SMC5: variants seen among roughly 807,000 people sequenced by gnomAD.
SMC5 encodes structural maintenance of chromosomes 5.
SMC5 carries 88 observed loss-of-function variants against 148.3 expected under a neutral mutation model. That is an observed-to-expected ratio of 0.59 (90% confidence interval 0.50 to 0.71). The LOEUF (loss-of-function observed/expected upper bound fraction) is 0.71. Ranked by LOEUF, SMC5 falls within the 30% of genes least tolerant of loss-of-function variation. The probability of loss-of-function intolerance (pLI) is 0.00; values close to 1 mark genes in which losing one functional copy is unlikely to be tolerated. For synonymous variants in SMC5, 421 were observed against 432.8 expected (o/e 0.97, Z 0.34); for missense variants, 1,142 against 1,298.9 (o/e 0.88, Z 1.86).
At chr9:70,333,743 G>GA (rs2036285176) in intron 17 of SMC5, among the ~76,000 whole-genome samples, 1 of 151,626 alleles carries the variant, frequency 6.6e-6, no homozygotes, top group African/African-American at 2.4e-5. Flanking sequence ...AAAAAGAAAG[G>GA]AAAAAAATAC....
chr9:70,270,232 C>T (rs2118036504), intron 3 of SMC5, among the ~76,000 whole-genome samples: 1 of 152,100 alleles, frequency 6.6e-6, no homozygotes, highest in East Asian at 1.9e-4. Context: ...TTAGGTTTAC[C>T]CATGTATTAT....
intron 8 of SMC5, among the ~76,000 whole-genome samples, chr9:70,292,080 T>C (rs995968281): frequency 6.6e-6 from 1 of 152,174 alleles, no homozygotes; most frequent in African/African-American, 2.4e-5. Flanking sequence ...AAGCATTTGG[T>C]TAAATTCCAG....
At chr9:70,308,120 G>T (rs1344690194) in intron 11 of SMC5, among the ~76,000 whole-genome samples, 3 of 152,000 alleles carry the variant, frequency 2.0e-5, no homozygotes, top group Admixed American at 2.0e-4. Flanking sequence ...TTTATCTAGA[G>T]ACCAGATAAT....
At chr9:70,312,119 TC>T (rs1186607566) in intron 11 of SMC5, 2 of 33,312 alleles carry the variant, frequency 6.0e-5, no homozygotes, top group African/African-American at 3.1e-4. Flanking sequence ...AGACACTGTC[TC>T]AAAAAAAAAA....
At position 70,267,162 on chromosome 9, in the gene SMC5, A is replaced by G. The variant is rs560900229; in HGVS notation, c.328-761A>G. Among the ~76,000 whole-genome samples, 5 of 152,222 alleles carry G rather than the reference A, an allele frequency of 3.3e-5. No individual in the cohort carries two copies. In the South Asian group the frequency reaches 8.3e-4, roughly 25 times the overall value. On this transcript the variant is annotated intron_variant, in intron 2 of 24. Coordinates refer to ENST00000361138, the MANE Select transcript of SMC5 (RefSeq NM_015110.4). ...TGTTTAGTGCTTAGCACAACAGTATATAGTAAATGCTTGATAAATGTTAGC... is the reference window on the plus strand; with the variant it reads ...TGTTTAGTGCTTAGCACAACAGTATGTAGTAAATGCTTGATAAATGTTAGC...
chr9:70,313,689 G>A (rs1030327449), intron 11 of SMC5, among the ~76,000 whole-genome samples: 6 of 152,046 alleles, frequency 3.9e-5, no homozygotes, highest in Admixed American at 2.0e-4. Context: ...TAGTAGAGAC[G>A]GGCTTTCACC....
At chr9:70,344,393 A>G in intron 18 of SMC5, 124 bp downstream of exon 18, 3 of 438,762 alleles carry the variant, frequency 6.8e-6, no homozygotes, top group Non-Finnish European at 1.1e-5. Flanking sequence ...GAGTTTTTCC[A>G]CATTTTTAAA....
At chr9:70,339,497 C>T (rs1408355313) in intron 17 of SMC5, among the ~76,000 whole-genome samples, 2 of 151,948 alleles carry the variant, frequency 1.3e-5, no homozygotes, top group Non-Finnish European at 2.9e-5. Flanking sequence ...TGATAGTTCA[C>T]TTTCTCTTTT....
chr9:70,281,612 G>A (rs1373078543), intron 6 of SMC5, among the ~76,000 whole-genome samples: 2 of 152,122 alleles, frequency 1.3e-5, no homozygotes, highest in African/African-American at 4.8e-5. Flanking sequence ...AGAAAGTTTT[G>A]TAGTGTTTGT....
intron 7 of SMC5, 56 bp downstream of exon 7, chr9:70,282,639 A>T (rs2034782099): frequency 3.4e-6 from 5 of 1,481,244 alleles, no homozygotes; most frequent in Non-Finnish European, 4.5e-6. Flanking sequence ...AAATATAAAA[A>T]ATATTTTGCA....
rs2036550019 is a variant in SMC5 at position 70,342,313 on chromosome 9, A to G, written c.2398-1831A>G. Among the ~76,000 whole-genome samples, 2 of 151,362 alleles carry G rather than the reference A, an allele frequency of 1.3e-5. 1 individual carries two copies. The highest frequency in any genetic ancestry group is 6.8e-3 in the Middle Eastern group (2 of 294). The stretch of plus-strand genomic sequence containing the variant: ...TAGATGACGAGTTAATGGGTGCAGC[A>G]CACCAGCATGGCACATGTATACATA... On this transcript the variant is annotated intron_variant, in intron 17 of 24. Coordinates refer to ENST00000361138, the MANE Select transcript of SMC5 (RefSeq NM_015110.4).
intron 17 of SMC5, among the ~76,000 whole-genome samples, chr9:70,324,499 A>C (rs575378300): frequency 6.6e-6 from 1 of 152,310 alleles, no homozygotes; most frequent in African/African-American, 2.4e-5. Context: ...TCCCAAAAAC[A>C]GAAGAGAAGC....
chr9:70,275,401 A>T (rs960549326), intron 3 of SMC5, among the ~76,000 whole-genome samples: 1 of 152,004 alleles, frequency 6.6e-6, no homozygotes, highest in Admixed American at 6.6e-5. Context: ...GGGTCTCACT[A>T]TGTTGCTCAG....
At position 70,350,289 on chromosome 9, in the gene SMC5, A is replaced by G. The variant is rs1423659940; in HGVS notation, c.3065A>G (p.Asn1022Ser). 6.8e-6 allele frequency: 11 copies of G among 1,612,702 alleles called. No homozygotes were observed. The highest frequency in any genetic ancestry group is 6.7e-5 in the East Asian group (3 of 44,780). The stretch of plus-strand genomic sequence containing the variant: ...CCATTCAGAGTAGTTGATGAAATCA[A>G]TCAGGTATGGTGATTGTTCTGTTAC... The part of the protein sequence containing the change: ...RCPFRVVDEI[N>S]QGMDPINERR... The change falls in exon 23 of 25, where the codon AAT becomes AGT. Residue 1022 changes from asparagine (N) to serine (S), a missense_variant. Asn to Ser is a conservative substitution (Grantham distance 46). Around this residue, in one of 5 missense-constraint regions of SMC5, gnomAD observed 30 missense variants for 65.3 expected, o/e 0.46. Coordinates refer to ENST00000361138, the MANE Select transcript of SMC5 (RefSeq NM_015110.4).
At chr9:70,297,845 C>A (rs1263500778) in intron 8 of SMC5, 121 bp from the exon 9 acceptor site, 5 of 1,125,516 alleles carry the variant, frequency 4.4e-6, no homozygotes, top group Admixed American at 4.7e-5. Flanking sequence ...TCACAGGACA[C>A]CTTTTAGTGA....
chr9:70,337,856 T>TC (rs1001957932), intron 17 of SMC5, among the ~76,000 whole-genome samples: 2 of 151,702 alleles, frequency 1.3e-5, no homozygotes, highest in African/African-American at 4.8e-5. Flanking sequence ...TACTAATTTT[T>TC]TTTTTTTTTA....
chr9:70,311,136 T>C (rs562795929), intron 11 of SMC5: 1 of 152,368 alleles, frequency 6.6e-6, no homozygotes, highest in Admixed American at 6.5e-5. Flanking sequence ...CTTGGCTAGC[T>C]TTCAGCCTAG....
At chr9:70,260,445 T>G (rs2034084988) in intron 1 of SMC5, among the ~76,000 whole-genome samples, 1 of 152,132 alleles carries the variant, frequency 6.6e-6, no homozygotes, top group South Asian at 2.1e-4. Context: ...GGCATAAGGA[T>G]AACAGAATTG....
chr9:70,299,917 T>C, intron 9 of SMC5, 129 bp from the exon 10 acceptor site: 1 of 678,036 alleles, frequency 1.5e-6, no homozygotes, highest in Non-Finnish European at 2.2e-6. Context: ...TATTTTCCAC[T>C]ATGGGAGTTA....
Sources: gnomAD v4.1 joint callset for allele counts (sites outside exome capture counted in the v4.1 genomes callset) on GRCh38, gnomAD v4.1.1 for gene constraint, gnomAD v4.1.1 regional missense constraint, MANE v1.5 for transcripts, NCBI Gene and HGNC (gene_info 2026-07-23, HGNC 2026-07-21) for gene names.